Variants in CCDC148 observed in about 807,000 individuals in gnomAD.
The protein encoded by CCDC148 is coiled-coil domain containing 148, also known as coiled-coil domain-containing protein 148.
A neutral mutation model predicts 85.7 loss-of-function variants in CCDC148; 89 were observed. The observed-to-expected ratio is 1.04, with a 90% CI of 0.87 to 1.24. The LOEUF (loss-of-function observed/expected upper bound fraction) is 1.24. CCDC148 is among the 50% of genes most tolerant of loss of function. The pLI, the probability that CCDC148 is intolerant of heterozygous loss-of-function variation, is 0.00. For missense variants in CCDC148, 692 were observed against 671.7 expected (o/e 1.03, Z -0.33); for synonymous variants, 230 against 213.9 (o/e 1.08, Z -0.66).
At chr2:158,394,754 T>G (rs971553975) in intron 1 of CCDC148, among the ~76,000 whole-genome samples, 6 of 152,158 alleles carry the variant, frequency 3.9e-5, no homozygotes, top group East Asian at 1.9e-4. Flanking sequence ...GCCTCTCTCC[T>G]TGAGGTAATC....
intron 1 of CCDC148, among the ~76,000 whole-genome samples, chr2:158,385,674 A>G (rs1167299273): frequency 6.6e-6 from 1 of 152,162 alleles, no homozygotes; most frequent in Non-Finnish European, 1.5e-5. Context: ...AAAAGAAGAT[A>G]TTAATTATAA....
chr2:158,218,457 C>T (rs753755435), intron 11 of CCDC148, among the ~76,000 whole-genome samples: 3 of 151,970 alleles, frequency 2.0e-5, no homozygotes, highest in Non-Finnish European at 4.4e-5. Flanking sequence ...TTTTCCTTTT[C>T]TTCTTTTCAA....
At chr2:158,366,246 G>GT (rs1320667662) in intron 1 of CCDC148, among the ~76,000 whole-genome samples, 1 of 152,084 alleles carries the variant, frequency 6.6e-6, no homozygotes, top group East Asian at 1.9e-4. Flanking sequence ...CTCTGTTAGT[G>GT]TTTTTTCTGT....
chr2:158,335,089 G>A (rs1185771202), intron 7 of CCDC148, among the ~76,000 whole-genome samples: 1 of 152,096 alleles, frequency 6.6e-6, no homozygotes, highest in Non-Finnish European at 1.5e-5. Flanking sequence ...CAGTGAGGTG[G>A]ACTTCCCATG....
At chr2:158,330,736 G>A (rs1559075052) in intron 7 of CCDC148, among the ~76,000 whole-genome samples, 1 of 152,142 alleles carries the variant, frequency 6.6e-6, no homozygotes, top group Non-Finnish European at 1.5e-5. Flanking sequence ...GTTTAGTTTT[G>A]GGAGGGTGTA....
chr2:158,203,397 C>G (rs1331326632), intron 11 of CCDC148, among the ~76,000 whole-genome samples: 1 of 152,156 alleles, frequency 6.6e-6, no homozygotes, highest in Non-Finnish European at 1.5e-5. Context: ...TGATCCTGAA[C>G]CACGATGTTT....
At chr2:158,300,049 C>T (rs564701185) in intron 9 of CCDC148, among the ~76,000 whole-genome samples, 1 of 152,184 alleles carries the variant, frequency 6.6e-6, no homozygotes, top group African/African-American at 2.4e-5. Context: ...CTAAAATATA[C>T]CTCAATTTTA....
At chr2:158,274,172 A>G (rs1300387187) in intron 9 of CCDC148, among the ~76,000 whole-genome samples, 1 of 152,206 alleles carries the variant, frequency 6.6e-6, no homozygotes, top group East Asian at 1.9e-4. Flanking sequence ...TGGCTATTCA[A>G]CATGTAGTTT....
At chr2:158,440,823 A>G (rs1174150677) in intron 1 of CCDC148, among the ~76,000 whole-genome samples, 1 of 152,190 alleles carries the variant, frequency 6.6e-6, no homozygotes, top group Non-Finnish European at 1.5e-5. Flanking sequence ...AACAAACTGA[A>G]TGACTACTAG....
chr2:158,260,763 C>T (rs1305664428), intron 9 of CCDC148, among the ~76,000 whole-genome samples: 1 of 151,960 alleles, frequency 6.6e-6, no homozygotes, highest in Non-Finnish European at 1.5e-5. Flanking sequence ...ATCTGATTCA[C>T]AATTGTCACA....
intron 1 of CCDC148, among the ~76,000 whole-genome samples, chr2:158,413,603 C>CTT (rs4028060): frequency 0.065 from 9,641 of 148,700 alleles, 414 homozygotes; most frequent in Middle Eastern, 0.13. Flanking sequence ...TTTCTCTTGC[C>CTT]TTTTTTTTTT....
At chr2:158,389,422 G>A (rs147520784) in intron 1 of CCDC148, among the ~76,000 whole-genome samples, 127 of 152,244 alleles carry the variant, frequency 8.3e-4, no homozygotes, top group African/African-American at 3.0e-3. Flanking sequence ...CTAATTTACT[G>A]CAAAACATGA....
Position 158,374,189 on chromosome 2 carries a change from C to T in CCDC148, c.26-15619G>A, listed in dbSNP as rs549917562. Among the ~76,000 whole-genome samples, 74 of 152,136 alleles carry T rather than the reference C, an allele frequency of 4.9e-4. 1 individual carries two copies. The highest frequency in any genetic ancestry group is 1.5e-3 in the African/African-American group (63 of 41,510). ...AGAAGTGAGGAAGAAAACACATGCC[C>T]GCTTTAAAGTTTCAGCACTGGCTCT... is the stretch of plus-strand genomic sequence containing the variant. On this transcript the variant is annotated intron_variant, in intron 1 of 13. Transcript: ENST00000283233.
chr2:158,181,249 G>T (rs1247627888), intron 11 of CCDC148, among the ~76,000 whole-genome samples: 8 of 152,158 alleles, frequency 5.3e-5, no homozygotes, highest in Non-Finnish European at 1.0e-4. Context: ...TTACAGTCAG[G>T]GGAGCTTGAC....
At chr2:158,178,531 C>A (rs1426097605) in intron 12 of CCDC148, among the ~76,000 whole-genome samples, 1 of 152,176 alleles carries the variant, frequency 6.6e-6, no homozygotes, top group African/African-American at 2.4e-5. Flanking sequence ...CTTGCTCGAA[C>A]TCCACCAGGT....
intron 9 of CCDC148, among the ~76,000 whole-genome samples, chr2:158,298,243 T>C (rs930768206): frequency 6.6e-6 from 1 of 152,172 alleles, no homozygotes; most frequent in African/African-American, 2.4e-5. Context: ...GGAATTACAA[T>C]TCAAGATGAG....
chr2:158,256,852 T>C (rs1180280008), intron 9 of CCDC148, among the ~76,000 whole-genome samples: 3 of 151,762 alleles, frequency 2.0e-5, no homozygotes, highest in Non-Finnish European at 4.4e-5. Context: ...TCTAGCACAT[T>C]GTCCCTATTC....
intron 9 of CCDC148, among the ~76,000 whole-genome samples, chr2:158,282,433 C>G (rs1218928116): frequency 6.6e-6 from 1 of 152,206 alleles, no homozygotes; most frequent in East Asian, 1.9e-4. Context: ...AGCAAAGTCT[C>G]AGGATACAAA....
chr2:158,272,594 C>T (rs1168271495), intron 9 of CCDC148, among the ~76,000 whole-genome samples: 1 of 152,126 alleles, frequency 6.6e-6, no homozygotes, highest in African/African-American at 2.4e-5. Context: ...GCTGCAGAAT[C>T]CCCAGCCCCT....
Sources: gnomAD v4.1 joint callset for allele counts (sites outside exome capture counted in the v4.1 genomes callset) on GRCh38, gnomAD v4.1.1 for gene constraint, MANE v1.5 for transcripts, NCBI Gene and HGNC (gene_info 2026-07-23, HGNC 2026-07-21) for gene names.